Variants in NPHS1 observed in about 807,000 individuals in gnomAD.
NPHS1 encodes the protein NPHS1 adhesion molecule, nephrin.
A neutral mutation model predicts 139.7 loss-of-function variants in NPHS1; 107 were observed. The ratio of observed to expected loss-of-function variants is 0.77; its 90% CI spans 0.66 to 0.90. NPHS1 has a LOEUF of 0.90. Ranked by LOEUF, NPHS1 falls within the 40% of genes least tolerant of loss-of-function variation. NPHS1 has a pLI of 0.00. For synonymous variants in NPHS1, 707 were observed against 706.6 expected (o/e 1.00, Z -0.01); for missense variants, 1,580 against 1,654.2 (o/e 0.96, Z 0.78).
chr19:35,845,570 G>T lies in NPHS1; in HGVS notation c.1758-30C>A. ...GGAACCGGGGTCAAGCCAGGGCTGC[G>T]AGCGGAGCCAGAGGCTGGAGAGGCA... On this transcript the variant is annotated intron_variant, in intron 13 of 28. Transcript: ENST00000378910. This position sits in a 1 kb window ranked among gnomAD's most constrained non-coding sequence, Gnocchi z 5.5. The T allele has an allele frequency of 6.2e-7, 1 of 1,609,922 alleles. No homozygotes were observed. Among genetic ancestry groups the T allele is most frequent in the East Asian group, 2.2e-5 (1 of 44,714 alleles).
chr19:35,841,233 T>C (rs1248290163), intron 20 of NPHS1, among the ~76,000 whole-genome samples: 1 of 151,484 alleles, frequency 6.6e-6, no homozygotes, highest in Non-Finnish European at 1.5e-5. Context: ...ATTAGCTGGG[T>C]GTGGTGGCGG....
Position 35,842,439 on chromosome 19 carries a change from A to G in NPHS1, c.2446T>C (p.Cys816Arg), listed in dbSNP as rs1568453333. ...GGCGCCACCCCATTGTCCACAATGCACTGGTAAGCGCCAGCCTGGGCCAGT... is the reference window on the plus strand; with the variant it reads ...GGCGCCACCCCATTGTCCACAATGCGCTGGTAAGCGCCAGCCTGGGCCAGT... ...AKLAQAGAYQ[C>R]IVDNGVAPPA... is the part of the protein sequence containing the mutation. Residue 816 changes from cysteine (C) to arginine (R), a missense_variant, in exon 18 of 29, where the codon TGC (cysteine) becomes CGC (arginine). Cys to Arg is a radical substitution (Grantham distance 180, BLOSUM62 -3). Transcript: ENST00000378910. The G allele has an allele frequency of 5.0e-6, 8 of 1,614,146 alleles. No homozygotes were observed. Among genetic ancestry groups the G allele is most frequent in the Non-Finnish European group, 6.8e-6 (8 of 1,180,020 alleles).
At chr19:35,833,895 T>C (rs1157862057) in intron 23 of NPHS1, among the ~76,000 whole-genome samples, 1 of 151,768 alleles carries the variant, frequency 6.6e-6, no homozygotes, top group Non-Finnish European at 1.5e-5. Context: ...AGAGATGGGG[T>C]TTCACCATGT....
rs774288763 is a variant in NPHS1, at chr19:35,845,627, C to T, written c.1757+42G>A. 4 of 1,608,868 alleles carry T rather than the reference C, an allele frequency of 2.5e-6. No individual in the cohort carries two copies. Among genetic ancestry groups the T allele is most frequent in the South Asian group, 2.2e-5 (2 of 90,380 alleles). Reference sequence around the variant, plus strand: ...GGGGGCGGGACATGCGTGGAGGGGGCGAGGCCAGACCAGAGAGGGGAGGGA... The same window carrying T: ...GGGGGCGGGACATGCGTGGAGGGGGTGAGGCCAGACCAGAGAGGGGAGGGA... On this transcript the variant is annotated intron_variant, in intron 13 of 28. Coordinates refer to ENST00000378910, the MANE Select transcript of NPHS1 (RefSeq NM_004646.4). This position sits in a 1 kb window ranked among gnomAD's most constrained non-coding sequence, Gnocchi z 5.5.
intron 11 of NPHS1, 141 bp from the exon 12 acceptor site, chr19:35,846,335 C>T: frequency 1.2e-6 from 1 of 849,746 alleles, no homozygotes; most frequent in Non-Finnish European, 1.9e-6. Flanking sequence ...CTCATCAGCA[C>T]CACCCCCCTA....
chr19:35,848,924 A>G (rs1349866309), intron 8 of NPHS1, 52 bp downstream of exon 8: 16 of 1,611,008 alleles, frequency 9.9e-6, no homozygotes, highest in Non-Finnish European at 1.3e-5. Flanking sequence ...GCACACACAG[A>G]TGGTTCTCTG....
At position 35,845,780 on chromosome 19, in the gene NPHS1, G is replaced by T; in HGVS notation, c.1646C>A (p.Thr549Lys). 1 of 1,613,536 alleles carries T rather than the reference G, an allele frequency of 6.2e-7. No individual in the cohort carries two copies. The highest frequency in any genetic ancestry group is 8.5e-7 in the Non-Finnish European group (1 of 1,179,540). The change falls in exon 13 of 29, where the codon ACG becomes AAG. Residue 549 changes from threonine (T) to lysine (K), a missense_variant. Thr to Lys is a moderately conservative substitution (Grantham distance 78). Transcript: ENST00000378910. This position sits in a 1 kb window ranked among gnomAD's most constrained non-coding sequence, Gnocchi z 5.5. ...LAVQFPPTNV[T>K]ILANASALRP... The stretch of plus-strand genomic sequence containing the variant: ...CAGTGCGGATGCGTTGGCCAGGATC[G>T]TCACGTTAGTTGGGGGAACTGGGAG...
rs886054353 is a variant in NPHS1 at position 35,850,982 on chromosome 19, G to C, written c.505C>G (p.Pro169Ala). 1 of 1,613,984 alleles carries C rather than the reference G, an allele frequency of 6.2e-7. No individual in the cohort carries two copies. Among genetic ancestry groups the C allele is most frequent in the Non-Finnish European group, 8.5e-7 (1 of 1,180,042 alleles). The change falls in exon 4 of 29, where the codon CCT becomes GCT. Residue 169 changes from proline (P) to alanine (A), a missense_variant. Transcript: ENST00000378910. ...NCVSGDAKPAPDITILLSGQT... is the reference protein window; with the variant it reads ...NCVSGDAKPAADITILLSGQT... ...TCACTCAGGAGAATGGTGATGTCAG[G>C]TGCTGGCTTCGCGTCCCCAGACACA...
At position 35,846,112 on chromosome 19, in the gene NPHS1, G is replaced by A; in HGVS notation, c.1523C>T (p.Thr508Ile). 1 of 1,597,566 alleles carries A rather than the reference G, an allele frequency of 6.3e-7. No individual in the cohort carries two copies. ...HLGSVEKSGS[T>I]FSRELVLVTG... ...GACCAGCACCAGCTCTCGGGAGAAG[G>A]TGCTCCCAGATTTCTCCACGCTGCC... is the stretch of plus-strand genomic sequence containing the variant. The change falls in exon 12 of 29, where the codon ACC becomes ATC. Residue 508 changes from threonine (T) to isoleucine (I), a missense_variant. By Grantham distance (89) the Thr-to-Ile change is moderately conservative. Coordinates refer to ENST00000378910, the MANE Select transcript of NPHS1 (RefSeq NM_004646.4).
At position 35,825,828 on chromosome 19, in the gene NPHS1, T is replaced by C. The variant is rs1272721779; in HGVS notation, c.*686A>G. On this transcript the variant is annotated 3_prime_UTR_variant, in exon 29 of 29. Coordinates refer to ENST00000378910, the MANE Select transcript of NPHS1 (RefSeq NM_004646.4). ...TAAATTCCACTTATTATTAGCTATT[T>C]CAGACGTCATGGAATGCAAAATGAA... The C allele has an allele frequency of 6.6e-6, 1 of 152,316 alleles. No homozygotes were observed. The highest frequency in any genetic ancestry group is 2.4e-5 in the African/African-American group (1 of 41,472). The allele number at this position is 152,316 out of a possible 1,614,324, so 9.4% of individuals were successfully genotyped here.
At chr19:35,838,945 C>A (rs1374742001) in intron 22 of NPHS1, among the ~76,000 whole-genome samples, 1 of 152,124 alleles carries the variant, frequency 6.6e-6, no homozygotes, top group Non-Finnish European at 1.5e-5. Context: ...TTAACTGCAA[C>A]CTCAAATTTT....
intron 22 of NPHS1, among the ~76,000 whole-genome samples, chr19:35,837,565 C>T (rs1410226089): frequency 6.6e-6 from 1 of 151,170 alleles, no homozygotes; most frequent in Non-Finnish European, 1.5e-5. Context: ...TTAATTTGTT[C>T]GTCTTTTATT....
chr19:35,847,957 T>C (rs1449936954), intron 11 of NPHS1, 84 bp downstream of exon 11: 22 of 1,430,502 alleles, frequency 1.5e-5, no homozygotes, highest in Non-Finnish European at 2.0e-5. Context: ...TTTTCCAAGA[T>C]TGCCCAAGAT....
At position 35,841,425 on chromosome 19, in the gene NPHS1, G is replaced by A. The variant is rs116200890; in HGVS notation, c.2815+290C>T. Among the ~76,000 whole-genome samples the A allele has an allele frequency of 0.025, 3,763 of 152,174 alleles. 155 individuals carry two copies. Among genetic ancestry groups the A allele is most frequent in the African/African-American group, 0.086 (3,558 of 41,484 alleles). Reference sequence around the variant, plus strand: ...CAAAAAGAATGGAGAGTTGCTGATGGCAGCTGAACCTAGATCCAGAAACCC... The same window carrying A: ...CAAAAAGAATGGAGAGTTGCTGATGACAGCTGAACCTAGATCCAGAAACCC... On this transcript the variant is annotated intron_variant, in intron 20 of 28. Transcript: ENST00000378910.
rs985670045 is a variant in NPHS1 at position 35,852,268 on chromosome 19, C to T, written c.-431G>A. The stretch of plus-strand genomic sequence containing the variant: ...TCTTTCTCTCCTTGTCTAAGCCGTT[C>T]TCTCTCCTTTTGTCTCTGTCTCTTC... On this transcript the variant is annotated 5_prime_UTR_variant, in exon 1 of 29. Transcript: ENST00000378910. 1.3e-5 allele frequency among the ~76,000 whole-genome samples: 2 copies of T among 151,658 alleles called. No individual in the cohort carries two copies. Among genetic ancestry groups the T allele is most frequent in the Non-Finnish European group, 2.9e-5 (2 of 67,946 alleles).
At position 35,843,504 on chromosome 19, in the gene NPHS1, T is replaced by G. The variant is rs1403774532; in HGVS notation, c.2302A>C (p.Ile768Leu). The change falls in exon 17 of 29, where the codon ATC becomes CTC. Residue 768 changes from isoleucine (I) to leucine (L), a missense_variant. Physicochemically the swap from Ile to Leu is conservative, Grantham distance 5. Coordinates refer to ENST00000378910, the MANE Select transcript of NPHS1 (RefSeq NM_004646.4). The part of the protein sequence containing the change: ...DIVCTVDANP[I>L]LPGMFNWERL... Reference sequence around the variant, plus strand: ...TCCCAGTTGAACATGCCCGGGAGGATGGGATTGGCATCGACAGTGCAGACT... The same window carrying G: ...TCCCAGTTGAACATGCCCGGGAGGAGGGGATTGGCATCGACAGTGCAGACT... 1 of 1,613,812 alleles carries G rather than the reference T, an allele frequency of 6.2e-7. No homozygotes were observed. Among genetic ancestry groups the G allele is most frequent in the Non-Finnish European group, 8.5e-7 (1 of 1,179,922 alleles).
intron 18 of NPHS1, 34 bp from the exon 19 acceptor site, chr19:35,842,314 T>C: frequency 1.9e-6 from 3 of 1,612,350 alleles, no homozygotes; most frequent in Non-Finnish European, 2.5e-6. Context: ...ATGAGCTATG[T>C]GGGAGACATG....
chr19:35,839,257 T>C lies in NPHS1; in HGVS notation c.3089A>G (p.Gln1030Arg). The C allele has an allele frequency of 5.6e-6, 9 of 1,614,208 alleles. No individual in the cohort carries two copies. The highest frequency in any genetic ancestry group is 7.6e-6 in the Non-Finnish European group (9 of 1,180,042). The change falls in exon 22 of 29, where the codon CAG becomes CGG. Residue 1030 changes from glutamine to arginine, a missense_variant. Coordinates refer to ENST00000378910, the MANE Select transcript of NPHS1 (RefSeq NM_004646.4). The part of the protein sequence containing the change: ...GDSGLADKGT[Q>R]LPITTPGLHQ... ...CCCACCTGGGGTAGTGATGGGAAGC[T>C]GGGTCCCTTTGTCAGCCAGTCCACT...
intron 11 of NPHS1, among the ~76,000 whole-genome samples, chr19:35,846,447 T>G (rs1416295995): frequency 6.6e-6 from 1 of 152,196 alleles, no homozygotes; most frequent in Admixed American, 6.5e-5. Flanking sequence ...TGAATCCGCC[T>G]TCTGTCCCAC....
Sources: gnomAD v4.1 joint callset for allele counts (sites outside exome capture counted in the v4.1 genomes callset) on GRCh38, gnomAD v4.1.1 for gene constraint, Gnocchi (gnomAD v3.1) non-coding constraint, MANE v1.5 for transcripts, NCBI Gene and HGNC (gene_info 2026-07-23, HGNC 2026-07-21) for gene names.